RNF13: variants seen among roughly 807,000 people sequenced by gnomAD.
The protein encoded by RNF13 is E3 ubiquitin-protein ligase RNF13.
In RNF13, 19 loss-of-function variants were observed where a neutral mutation model predicts 37.7. The observed-to-expected ratio is 0.50, with a 90% CI of 0.35 to 0.74. The LOEUF (loss-of-function observed/expected upper bound fraction) is 0.74, where lower values mean the gene tolerates loss of function less well. RNF13 is among the 30% of genes least tolerant of loss of function. The pLI is 0.01. For missense variants in RNF13, 375 were observed against 453.0 expected (o/e 0.83, Z 1.56); for synonymous variants, 144 against 157.8 (o/e 0.91, Z 0.65).
chr3:149,867,002 G>A (rs1711498636), intron 3 of RNF13, among the ~76,000 whole-genome samples: 1 of 152,142 alleles, frequency 6.6e-6, no homozygotes, highest in Non-Finnish European at 1.5e-5. Context: ...TTCTATAACT[G>A]TTGGGTGAGA....
chr3:149,860,268 A>T (rs1440008864), intron 3 of RNF13, among the ~76,000 whole-genome samples: 31 of 91,674 alleles, frequency 3.4e-4, no homozygotes, highest in South Asian at 1.2e-3. Context: ...AAAAAAAAAA[A>T]AAATATATAT....
chr3:149,871,302 A>G (rs1431519178), intron 3 of RNF13, among the ~76,000 whole-genome samples: 1 of 151,598 alleles, frequency 6.6e-6, no homozygotes, highest in Admixed American at 6.6e-5. Flanking sequence ...TCGGCCTCCC[A>G]AAGTGCTGGG....
At chr3:149,874,655 C>T (rs1712476906) in intron 4 of RNF13, among the ~76,000 whole-genome samples, 1 of 152,118 alleles carries the variant, frequency 6.6e-6, no homozygotes, top group African/African-American at 2.4e-5. Context: ...TGTGATATAG[C>T]AACTCAGTGT....
Position 149,921,148 on chromosome 3 carries a change from C to A in RNF13, c.621C>A (p.Val207=). 7.3e-7 allele frequency: 1 copy of A among 1,373,640 alleles called. No homozygotes were observed. The highest frequency in any genetic ancestry group is 9.6e-7 in the Non-Finnish European group (1 of 1,043,088). The allele number at this position is 1,373,640 out of a possible 1,614,324, so 85.1% of individuals were successfully genotyped here. ...TTTATTTTTAGATCACAAAATTTGT[C>A]CAGGATAGACATAGAGCTAGAAGAA... ...LIVIFMITKF[V]QDRHRARRNR... The change falls in exon 8 of 10, where the codon GTC becomes GTA. Residue 207 remains valine, a synonymous_variant. Transcript: ENST00000392894.
In RNF13 at chr3:149,910,375, A is replaced by G. The variant is rs144915620; in HGVS notation, c.501-1603A>G. On this transcript the variant is annotated intron_variant, in intron 6 of 9. Transcript: ENST00000392894. ...CTTTGTCATCCCCCATTCTGCTGGAAAGTGAAGTAAAAAGCTACTTGTATT... is the reference window on the plus strand; with the variant it reads ...CTTTGTCATCCCCCATTCTGCTGGAGAGTGAAGTAAAAAGCTACTTGTATT... Among the ~76,000 whole-genome samples the G allele has an allele frequency of 5.5e-4, 83 of 152,292 alleles. 1 individual carries two copies. The highest frequency in any genetic ancestry group is 1.9e-3 in the African/African-American group (80 of 41,552).
intron 3 of RNF13, among the ~76,000 whole-genome samples, chr3:149,870,739 T>G (rs1243693349): frequency 2.6e-5 from 4 of 151,832 alleles, no homozygotes; most frequent in Admixed American, 1.3e-4. Context: ...AGAGGAGCTA[T>G]TATATGAGCA....
intron 4 of RNF13, among the ~76,000 whole-genome samples, chr3:149,874,379 G>T (rs967729105): frequency 6.6e-6 from 1 of 151,986 alleles, no homozygotes; most frequent in Non-Finnish European, 1.5e-5. Context: ...TATGATCTTG[G>T]ACAAGTTATT....
intron 4 of RNF13, among the ~76,000 whole-genome samples, chr3:149,894,588 C>T (rs138931182): frequency 6.6e-6 from 1 of 152,144 alleles, no homozygotes. Context: ...TGAGACATAC[C>T]ATTGTGGAAT....
At chr3:149,952,286 T>C (rs1259367468) in intron 8 of RNF13, among the ~76,000 whole-genome samples, 1 of 152,098 alleles carries the variant, frequency 6.6e-6, no homozygotes, top group Non-Finnish European at 1.5e-5. Flanking sequence ...ATGTATGACT[T>C]CCTGTAGTCA....
chr3:149,832,423 A>T (rs943011127), intron 1 of RNF13, among the ~76,000 whole-genome samples: 1 of 152,226 alleles, frequency 6.6e-6, no homozygotes, highest in African/African-American at 2.4e-5. Flanking sequence ...TCACAGATTT[A>T]AATGTGAAGT....
intron 3 of RNF13, among the ~76,000 whole-genome samples, chr3:149,860,492 C>CAA (rs1724146760): frequency 6.6e-6 from 1 of 151,532 alleles, no homozygotes; most frequent in Non-Finnish European, 1.5e-5. Flanking sequence ...TGATTATTGA[C>CAA]AAAGGTGCCA....
chr3:149,960,990 C>T lies in RNF13; in HGVS notation c.1032C>T (p.Asp344=), dbSNP rs200361817. ...CAGAATCTTCAGACTATGAGGAAGACGACAATGAAGATACTGACAGTAGTG... is the reference window on the plus strand; with the variant it reads ...CAGAATCTTCAGACTATGAGGAAGATGACAATGAAGATACTGACAGTAGTG... ...NMTESSDYEE[D]DNEDTDSSDA... is the part of the protein sequence containing the mutation. Residue 344 remains aspartate (D), a synonymous_variant, in exon 10 of 10, where the codon GAC becomes GAT. Transcript: ENST00000392894. 7.4e-6 allele frequency: 12 copies of T among 1,613,992 alleles called. No individual in the cohort carries two copies. The highest frequency in any genetic ancestry group is 2.7e-5 in the African/African-American group (2 of 74,870).
At chr3:149,830,172 A>T (rs1302102170) in intron 1 of RNF13, among the ~76,000 whole-genome samples, 2 of 84,828 alleles carry the variant, frequency 2.4e-5, no homozygotes, top group Non-Finnish European at 4.6e-5. Flanking sequence ...TGCTATTAAG[A>T]TACCAGAAAA....
At chr3:149,937,369 GGAGGGGCATCATGGATAGAGAAGTC>G (rs1161147813) in intron 8 of RNF13, among the ~76,000 whole-genome samples, 8 of 152,100 alleles carry the variant, frequency 5.3e-5, no homozygotes, top group Non-Finnish European at 7.4e-5. Flanking sequence ...ATAACTTAAG[GGAGGGGCATCATGGATAGAGAAGTC>G]GAGGGGCATC....
At chr3:149,960,033 C>G (rs1254052963) in intron 8 of RNF13, 23 bp from the exon 9 acceptor site, 1 of 1,532,924 alleles carries the variant, frequency 6.5e-7, no homozygotes, top group Admixed American at 1.7e-5. Context: ...AAAAATAGTT[C>G]TCTACATATT....
rs1287341169 is a variant in RNF13 at position 149,941,705 on chromosome 3, C to G, written c.701-18351C>G. Among the ~76,000 whole-genome samples the G allele has an allele frequency of 2.0e-5, 3 of 151,508 alleles. No homozygotes were observed. In the East Asian group the frequency reaches 5.8e-4, roughly 29 times the overall value. On this transcript the variant is annotated intron_variant, in intron 8 of 9. Transcript: ENST00000392894. ...AAAAGTTTCTCGTAGTCCCATTTGT[C>G]TATTTTTTTCTTTTGTTGCCTGTGC...
At chr3:149,858,257 A>T (rs1267877148) in intron 3 of RNF13, among the ~76,000 whole-genome samples, 27 of 152,346 alleles carry the variant, frequency 1.8e-4, no homozygotes, top group Non-Finnish European at 2.9e-5. Context: ...TTATAGAAAC[A>T]CAAAATAGAC....
chr3:149,958,596 G>A (rs1358711917), intron 8 of RNF13, among the ~76,000 whole-genome samples: 1 of 152,132 alleles, frequency 6.6e-6, no homozygotes, highest in African/African-American at 2.4e-5. Flanking sequence ...TAACTGTTTT[G>A]TTTTTAGTAG....
At chr3:149,926,069 T>G (rs1718611036) in intron 8 of RNF13, among the ~76,000 whole-genome samples, 1 of 152,260 alleles carries the variant, frequency 6.6e-6, no homozygotes, top group South Asian at 2.1e-4. Flanking sequence ...ATTCTTTATA[T>G]GTTCCTACAA....
Sources: allele counts gnomAD v4.1 joint callset (sites outside exome capture counted in the v4.1 genomes callset), GRCh38; gene constraint gnomAD v4.1.1; transcripts MANE v1.5; gene names NCBI Gene and HGNC (gene_info 2026-07-23, HGNC 2026-07-21).